Variants in C1QBP observed in about 807,000 individuals in gnomAD.
C1QBP encodes the protein complement C1q binding protein.
In C1QBP, 24 loss-of-function variants were observed where a neutral mutation model predicts 29.4. The observed-to-expected ratio is 0.82, with a 90% CI of 0.59 to 1.15. C1QBP has a LOEUF of 1.15. Ranked by LOEUF, C1QBP falls within the 50% of genes most tolerant of loss-of-function variation. The pLI, the probability that C1QBP is intolerant of heterozygous loss-of-function variation, is 0.00. For synonymous variants in C1QBP, 182 were observed against 149.2 expected (o/e 1.22, Z -1.60); for missense variants, 337 against 355.8 (o/e 0.95, Z 0.43).
chr17:5,435,899 A>G (rs1192889429), intron 2 of C1QBP, among the ~76,000 whole-genome samples: 1 of 139,670 alleles, frequency 7.2e-6, no homozygotes, highest in African/African-American at 2.8e-5. Flanking sequence ...AAAAAAAATT[A>G]GCTGGGCGTG....
chr17:5,435,085 T>C, intron 2 of C1QBP, 119 bp from the exon 3 acceptor site: 2 of 887,092 alleles, frequency 2.3e-6, no homozygotes, highest in Non-Finnish European at 1.8e-6. Flanking sequence ...AAACAATGTC[T>C]CTGTCCTAGC....
rs1916118204 is a variant in C1QBP, at chr17:5,432,827, AAAT to A, written c.*185_*187del. The A allele has an allele frequency of 1.1e-6, 1 of 896,698 alleles. No homozygotes were observed. The highest frequency in any genetic ancestry group is 1.6e-6 in the Non-Finnish European group (1 of 624,132). 55.5% of individuals were successfully genotyped at this position (896,698 alleles called of 1,614,324 possible). On this transcript the variant is annotated 3_prime_UTR_variant, in exon 6 of 6. Coordinates refer to ENST00000225698, the MANE Select transcript of C1QBP (RefSeq NM_001212.4). ...TCTATCATGTTATACAAAAATCTAG[AAAT>A]AATAGATTTGTACAGAAAAAAATGA...
At chr17:5,433,823 T>A in intron 3 of C1QBP, 56 bp from the exon 4 acceptor site, 6 of 1,454,324 alleles carry the variant, frequency 4.1e-6, no homozygotes, top group Non-Finnish European at 5.8e-6. Context: ...GATGGCTGGA[T>A]CAAGGATCTC....
chr17:5,433,822 A>G, intron 3 of C1QBP, 55 bp from the exon 4 acceptor site: 1 of 1,461,284 alleles, frequency 6.8e-7, no homozygotes, highest in Non-Finnish European at 9.6e-7. Context: ...GGATGGCTGG[A>G]TCAAGGATCT....
At chr17:5,434,464 CTT>C (rs576803401) in intron 3 of C1QBP, among the ~76,000 whole-genome samples, 10,171 of 97,316 alleles carry the variant, frequency 0.1, 435 homozygotes, top group African/African-American at 0.26. Flanking sequence ...TTCTCTCTCT[CTT>C]TTTTTTTTTT....
rs925307276 is a variant in C1QBP at position 5,439,123 on chromosome 17, A to C, written c.-50T>G. 1 of 1,533,792 alleles carries C rather than the reference A, an allele frequency of 6.5e-7. No individual in the cohort carries two copies. Among genetic ancestry groups the C allele is most frequent in the South Asian group, 1.2e-5 (1 of 83,504 alleles). ...CAGATGCAAAGGACAACCCAGGCCT[A>C]GGCGCCCCGCGACCTGAGGCGCCGC... is the stretch of plus-strand genomic sequence containing the variant. On this transcript the variant is annotated 5_prime_UTR_variant, in exon 1 of 6. Transcript: ENST00000225698.
Position 5,433,286 on chromosome 17 carries a change from C to A in C1QBP, c.699+7G>T, listed in dbSNP as rs773953860. ...CAAAAGGTTCCCCCACCTTATCAAGCACTCACCCAGTCCAAGGAATCTGTG... is the reference window on the plus strand; with the variant it reads ...CAAAAGGTTCCCCCACCTTATCAAGAACTCACCCAGTCCAAGGAATCTGTG... On this transcript the variant is annotated splice_region_variant and intron_variant, in intron 5 of 5. Coordinates refer to ENST00000225698, the MANE Select transcript of C1QBP (RefSeq NM_001212.4). 6.2e-7 allele frequency: 1 copy of A among 1,614,050 alleles called. No individual in the cohort carries two copies. Among genetic ancestry groups the A allele is most frequent in the Non-Finnish European group, 8.5e-7 (1 of 1,180,028 alleles).
At chr17:5,436,747 G>A (rs187023638) in intron 2 of C1QBP, among the ~76,000 whole-genome samples, 4 of 147,184 alleles carry the variant, frequency 2.7e-5, no homozygotes, top group Non-Finnish European at 5.9e-5. Context: ...AGGGTGGGCA[G>A]GGTGGCTCAC....
In C1QBP at chr17:5,433,002, G is replaced by T; in HGVS notation, c.*13C>A. 6.2e-7 allele frequency: 1 copy of T among 1,604,402 alleles called. No individual in the cohort carries two copies. Among genetic ancestry groups the T allele is most frequent in the Non-Finnish European group, 8.5e-7 (1 of 1,176,596 alleles). Reference sequence around the variant, plus strand: ...GCCTGCCATGAAACTATGGCTTTCAGCATCTGTCTGCTCTACTGGCTCTTG... The same window carrying T: ...GCCTGCCATGAAACTATGGCTTTCATCATCTGTCTGCTCTACTGGCTCTTG... On this transcript the variant is annotated 3_prime_UTR_variant, in exon 6 of 6. Coordinates refer to ENST00000225698, the MANE Select transcript of C1QBP (RefSeq NM_001212.4).
Position 5,438,907 on chromosome 17 carries a change from G to A in C1QBP, c.167C>T (p.Pro56Leu), listed in dbSNP as rs1464051797. ...LSVRAGSERR[P>L]GLLRPRGPCA... ...GGGTCCGCGAGGCCGCAGGAGGCCC[G>A]GCCGCCGCTCGGAACCTGCGCGCAC... is the stretch of plus-strand genomic sequence containing the variant. The change falls in exon 1 of 6, where the codon CCG (proline) becomes CTG (leucine). Residue 56 changes from proline (P) to leucine (L), a missense_variant. Coordinates refer to ENST00000225698, the MANE Select transcript of C1QBP (RefSeq NM_001212.4). The A allele has an allele frequency of 4.5e-6, 7 of 1,539,410 alleles. No individual in the cohort carries two copies. In the Admixed American group the frequency reaches 1.2e-4, roughly 26 times the overall value.
chr17:5,434,396 T>C (rs1354587862), intron 3 of C1QBP, among the ~76,000 whole-genome samples: 1 of 151,994 alleles, frequency 6.6e-6, no homozygotes, highest in Non-Finnish European at 1.5e-5. Context: ...GGCACAGCAC[T>C]TCCTGAAATG....
Position 5,432,856 on chromosome 17 carries a change from TAATA to T in C1QBP, c.*155_*158del, listed in dbSNP as rs1021775966. 42 of 974,306 alleles carry T rather than the reference TAATA, an allele frequency of 4.3e-5. No individual in the cohort carries two copies. Among genetic ancestry groups the T allele is most frequent in the Admixed American group, 1.6e-4 (5 of 30,580 alleles). 60.4% of individuals were successfully genotyped at this position (974,306 alleles called of 1,614,324 possible). ...AATAGATTTGTACAGAAAAAAATGA[TAATA>T]AATGAGAACACAAAACATATAATTT... On this transcript the variant is annotated 3_prime_UTR_variant, in exon 6 of 6. Coordinates refer to ENST00000225698, the MANE Select transcript of C1QBP (RefSeq NM_001212.4).
chr17:5,432,921 A>G lies in C1QBP; in HGVS notation c.*94T>C. ...TTTTTTCCCCCATGATATTAGGATG[A>G]TAATCATTTCAAAGCACATGTCTAG... is the stretch of plus-strand genomic sequence containing the variant. On this transcript the variant is annotated 3_prime_UTR_variant, in exon 6 of 6. Coordinates refer to ENST00000225698, the MANE Select transcript of C1QBP (RefSeq NM_001212.4). The G allele has an allele frequency of 7.1e-7, 1 of 1,403,114 alleles. No individual in the cohort carries two copies. Among genetic ancestry groups the G allele is most frequent in the Non-Finnish European group, 9.6e-7 (1 of 1,039,272 alleles). 86.9% of individuals were successfully genotyped at this position (1,403,114 alleles called of 1,614,324 possible).
intron 3 of C1QBP, 181 bp from the exon 4 acceptor site, chr17:5,433,948 T>G (rs1916185078): frequency 6.4e-6 from 4 of 625,602 alleles, no homozygotes; most frequent in Non-Finnish European, 1.1e-5. Context: ...GGCACCCTGC[T>G]TGGTTAAATA....
chr17:5,434,464 C>CTCTTTT lies in C1QBP; in HGVS notation c.477+408_477+409insAAAAGA, dbSNP rs1263270149. ...CTTATGCCCCTGCCATTCTCTCTCT[C>CTCTTTT]TTTTTTTTTTTTTTTTTTTTTTGAG... On this transcript the variant is annotated intron_variant, in intron 3 of 5. Coordinates refer to ENST00000225698, the MANE Select transcript of C1QBP (RefSeq NM_001212.4). 1.1e-4 allele frequency among the ~76,000 whole-genome samples: 11 copies of CTCTTTT among 97,864 alleles called. No individual in the cohort carries two copies. The East Asian group carries it at 1.5e-3, about 14-fold the overall frequency. 64.2% of individuals were successfully genotyped at this position (97,864 alleles called of 152,430 possible).
Position 5,438,855 on chromosome 17 carries a change from C to T in C1QBP, c.219G>A (p.Ser73=), listed in dbSNP as rs1333195648. The change falls in exon 1 of 6, where the codon TCG becomes TCA. Residue 73 remains serine (S), a synonymous_variant. Transcript: ENST00000225698. ...GCTAAACCTCACCGTCGGTGTGCAGCGAGCCGCAGCCACAGCCACAGGCGC... is the reference window on the plus strand; with the variant it reads ...GCTAAACCTCACCGTCGGTGTGCAGTGAGCCGCAGCCACAGCCACAGGCGC... The part of the protein sequence containing the change: ...GPCACGCGCG[S]LHTDGDKAFV... 2.6e-6 allele frequency: 4 copies of T among 1,545,950 alleles called. No individual in the cohort carries two copies. Among genetic ancestry groups the T allele is most frequent in the South Asian group, 1.2e-5 (1 of 83,938 alleles).
At chr17:5,433,272 C>A (rs1448960831) in intron 5 of C1QBP, 21 bp downstream of exon 5, 2 of 1,614,062 alleles carry the variant, frequency 1.2e-6, no homozygotes, top group South Asian at 1.1e-5. Flanking sequence ...AAAAGGTTCC[C>A]CCACCTTATC....
At chr17:5,438,486 C>T in intron 1 of C1QBP, 1 of 705,956 alleles carries the variant, frequency 1.4e-6, no homozygotes, top group Non-Finnish European at 2.3e-6. Flanking sequence ...ACAATGAACG[C>T]ATTACCACTT....
rs956195384 is a variant in C1QBP, at chr17:5,432,845, G to GA, written c.*169dup. 29 of 959,682 alleles carry GA rather than the reference G, an allele frequency of 3.0e-5. No individual in the cohort carries two copies. The highest frequency in any genetic ancestry group is 3.4e-4 in the Middle Eastern group (1 of 2,960). The allele number at this position is 959,682 out of a possible 1,614,324, so 59.4% of individuals were successfully genotyped here. A position where few individuals can be genotyped will look rare whatever the true frequency, so the allele number is the denominator to read the frequency against. ...AATCTAGAAATAATAGATTTGTACA[G>GA]AAAAAAATGATAATAAATGAGAACA... On this transcript the variant is annotated 3_prime_UTR_variant, in exon 6 of 6. Coordinates refer to ENST00000225698, the MANE Select transcript of C1QBP (RefSeq NM_001212.4).
Sources: allele counts gnomAD v4.1 joint callset (sites outside exome capture counted in the v4.1 genomes callset), GRCh38; gene constraint gnomAD v4.1.1; transcripts MANE v1.5; gene names NCBI Gene and HGNC (gene_info 2026-07-23, HGNC 2026-07-21).